APH1B: variants seen among roughly 807,000 people sequenced by gnomAD.
APH1B encodes gamma-secretase subunit APH-1B.
Under a neutral mutation model 28.2 loss-of-function variants are expected in APH1B, and 27 were observed. That is an observed-to-expected ratio of 0.96 (90% confidence interval 0.70 to 1.32). The LOEUF (loss-of-function observed/expected upper bound fraction) is 1.32. APH1B is among the 40% of genes most tolerant of loss of function. APH1B has a pLI of 0.00. For missense variants in APH1B, 305 were observed against 313.6 expected (o/e 0.97, Z 0.21); for synonymous variants, 141 against 124.6 (o/e 1.13, Z -0.88).
At chr15:63,281,764 T>C (rs2038391599) in intron 2 of APH1B, among the ~76,000 whole-genome samples, 1 of 151,928 alleles carries the variant, frequency 6.6e-6, no homozygotes, top group Admixed American at 6.6e-5. Flanking sequence ...GTTCCTCTTT[T>C]TTTTTTTTTA....
chr15:63,297,784 G>A (rs1362214669), intron 4 of APH1B, among the ~76,000 whole-genome samples: 1 of 152,162 alleles, frequency 6.6e-6, no homozygotes, highest in African/African-American at 2.4e-5. Flanking sequence ...ATCCGGGTCT[G>A]TTTCTGTTGG....
At chr15:63,298,523 T>C (rs557043836) in intron 4 of APH1B, among the ~76,000 whole-genome samples, 6 of 152,350 alleles carry the variant, frequency 3.9e-5, no homozygotes, top group African/African-American at 1.2e-4. Context: ...AATGCATTTT[T>C]AAGACATAGT....
chr15:63,296,921 C>T (rs972524470), intron 4 of APH1B, among the ~76,000 whole-genome samples: 6 of 151,978 alleles, frequency 3.9e-5, no homozygotes, highest in African/African-American at 1.2e-4. Context: ...GCCTCCCAGG[C>T]GTGAGCCACC....
At chr15:63,278,297 G>T (rs1166984071) in intron 1 of APH1B, 2 of 456,704 alleles carry the variant, frequency 4.4e-6, no homozygotes, top group Admixed American at 4.7e-5. Context: ...GCAGCCGAAG[G>T]GTGGAAACCT....
At chr15:63,289,279 GAAATT>G (rs2038478534) in intron 4 of APH1B, among the ~76,000 whole-genome samples, 1 of 152,056 alleles carries the variant, frequency 6.6e-6, no homozygotes, top group Non-Finnish European at 1.5e-5. Context: ...ATAAATTTAA[GAAATT>G]AATTTGTATT....
At chr15:63,295,134 G>T (rs16946754) in intron 4 of APH1B, among the ~76,000 whole-genome samples, 1,794 of 152,306 alleles carry the variant, frequency 0.012, 29 homozygotes, top group African/African-American at 0.042. Flanking sequence ...AAATGGCATA[G>T]ATCAGGTTTG....
chr15:63,305,242 G>A (rs2038674058), intron 5 of APH1B, among the ~76,000 whole-genome samples: 1 of 152,150 alleles, frequency 6.6e-6, no homozygotes, highest in Non-Finnish European at 1.5e-5. Flanking sequence ...GTTCCCTTGA[G>A]TACTAAGGAT....
intron 4 of APH1B, among the ~76,000 whole-genome samples, chr15:63,300,591 C>T (rs2038616510): frequency 6.6e-6 from 1 of 152,218 alleles, no homozygotes; most frequent in Non-Finnish European, 1.5e-5. Context: ...AGGGAGGCCT[C>T]CTTTTCCGGG....
At chr15:63,289,089 C>G (rs2038476943) in intron 4 of APH1B, among the ~76,000 whole-genome samples, 1 of 152,060 alleles carries the variant, frequency 6.6e-6, no homozygotes, top group Non-Finnish European at 1.5e-5. Flanking sequence ...TTTGTAATTT[C>G]TAGGAATTAA....
intron 3 of APH1B, chr15:63,287,207 T>A: frequency 1.9e-6 from 1 of 525,496 alleles, no homozygotes; most frequent in Non-Finnish European, 3.3e-6. Context: ...TTCATTACTC[T>A]GCTGCATTCT....
chr15:63,281,339 A>G (rs1414913347), intron 2 of APH1B, among the ~76,000 whole-genome samples: 2 of 151,322 alleles, frequency 1.3e-5, no homozygotes, highest in East Asian at 1.9e-4. Context: ...CTTTTTGGTC[A>G]GTGGACATGA....
chr15:63,303,616 C>T (rs918324527), intron 5 of APH1B, among the ~76,000 whole-genome samples: 2 of 152,206 alleles, frequency 1.3e-5, no homozygotes, highest in Non-Finnish European at 2.9e-5. Context: ...CCACCACACC[C>T]TTCCAAGTAG....
chr15:63,286,658 G>A, intron 3 of APH1B, 30 bp downstream of exon 3: 7 of 1,558,058 alleles, frequency 4.5e-6, no homozygotes, highest in Non-Finnish European at 6.1e-6. Flanking sequence ...TTTCATTAAG[G>A]AAAAAAATCA....
In APH1B at chr15:63,307,159, A is replaced by G. The variant is rs1232162838; in HGVS notation, c.*1378A>G. 2 of 152,268 alleles carry G rather than the reference A, an allele frequency of 1.3e-5. No individual in the cohort carries two copies. Among genetic ancestry groups the G allele is most frequent in the African/African-American group, 4.8e-5 (2 of 41,436 alleles). The allele number at this position is 152,268 out of a possible 1,614,324, so 9.4% of individuals were successfully genotyped here. A position where few individuals can be genotyped will look rare whatever the true frequency, so the allele number is the denominator to read the frequency against. ...GAACATTCAGAAGAGAGGAGCAGCAATCCTGAGGGGCTGGGGGAGTGACAG... is the reference window on the plus strand; with the variant it reads ...GAACATTCAGAAGAGAGGAGCAGCAGTCCTGAGGGGCTGGGGGAGTGACAG... On this transcript the variant is annotated 3_prime_UTR_variant, in exon 6 of 6. Coordinates refer to ENST00000261879, the MANE Select transcript of APH1B (RefSeq NM_031301.4).
At chr15:63,287,623 A>G in intron 4 of APH1B, 77 bp downstream of exon 4, 2 of 1,506,326 alleles carry the variant, frequency 1.3e-6, no homozygotes, top group Non-Finnish European at 1.8e-6. Context: ...TGGCTTAGGA[A>G]TTTCAGTGGA....
chr15:63,307,360 G>A lies in APH1B; in HGVS notation c.*1579G>A, dbSNP rs2038696827. 6.6e-6 allele frequency: 1 copy of A among 151,188 alleles called. No homozygotes were observed. Among genetic ancestry groups the A allele is most frequent in the South Asian group, 2.1e-4 (1 of 4,788 alleles). 9.4% of individuals were successfully genotyped at this position (151,188 alleles called of 1,614,324 possible). ...ACCCCCATGTTTAAAATATTAGAATGTTTAGAGATAAAATAGAGATAATAG... is the reference window on the plus strand; with the variant it reads ...ACCCCCATGTTTAAAATATTAGAATATTTAGAGATAAAATAGAGATAATAG... On this transcript the variant is annotated 3_prime_UTR_variant, in exon 6 of 6. Transcript: ENST00000261879.
In APH1B at chr15:63,306,636, G is replaced by A. The variant is rs1455425323; in HGVS notation, c.*855G>A. On this transcript the variant is annotated 3_prime_UTR_variant, in exon 6 of 6. Transcript: ENST00000261879. ...CATCTGAGTGCCAGTTGCTGGACTA[G>A]TTGAGGTGAAGTGCATTGTTTTCTC... The A allele has an allele frequency of 6.6e-6, 1 of 152,318 alleles. No individual in the cohort carries two copies. Among genetic ancestry groups the A allele is most frequent in the East Asian group, 1.9e-4 (1 of 5,206 alleles). 9.4% of individuals were successfully genotyped at this position (152,318 alleles called of 1,614,324 possible). A position where few individuals can be genotyped will look rare whatever the true frequency, so the allele number is the denominator to read the frequency against.
chr15:63,278,191 C>G (rs1432046913), intron 1 of APH1B: 3 of 417,786 alleles, frequency 7.2e-6, no homozygotes, highest in Non-Finnish European at 1.4e-5. Flanking sequence ...ATGCCCACCC[C>G]CACCCCGATC....
chr15:63,305,962 C>A lies in APH1B; in HGVS notation c.*181C>A, dbSNP rs202180122. 3 of 752,974 alleles carry A rather than the reference C, an allele frequency of 4.0e-6. No individual in the cohort carries two copies. The highest frequency in any genetic ancestry group is 1.8e-5 in the African/African-American group (1 of 56,412). 46.6% of individuals were successfully genotyped at this position (752,974 alleles called of 1,614,324 possible). ...TCCGAAAGGGGTGCTCAGTGGTGTG[C>A]GTCCTGGCTGCACGAGAATCACCTG... On this transcript the variant is annotated 3_prime_UTR_variant, in exon 6 of 6. Transcript: ENST00000261879.
Sources: gnomAD v4.1 joint callset for allele counts (sites outside exome capture counted in the v4.1 genomes callset) on GRCh38, gnomAD v4.1.1 for gene constraint, MANE v1.5 for transcripts, NCBI Gene and HGNC (gene_info 2026-07-23, HGNC 2026-07-21) for gene names.